The following DLG2 variants were observed in gnomAD, a reference collection of about 807,000 sequenced individuals.
DLG2 encodes disks large homolog 2.
DLG2 carries 45 observed loss-of-function variants against 132.5 expected under a neutral mutation model. That is an observed-to-expected ratio of 0.34 (90% confidence interval 0.27 to 0.44). DLG2 has a LOEUF of 0.44. DLG2 is among the 20% of genes least tolerant of loss of function. The pLI, the probability that DLG2 is intolerant of heterozygous loss-of-function variation, is 1.00. For synonymous variants in DLG2, 424 were observed against 419.6 expected, an observed-to-expected ratio of 1.01 and a Z score of -0.13; for missense variants, 1,045 against 1,196.9, an observed-to-expected ratio of 0.87 and a Z score of 1.87.
intron 7 of DLG2, among the ~76,000 whole-genome samples, chr11:84,412,718 C>T (rs967448564): frequency 6.6e-6 from 1 of 152,182 alleles, no homozygotes; most frequent in Non-Finnish European, 1.5e-5. Context: ...AGCTAAGCAC[C>T]TGCCTTAAGG....
Position 83,480,673 on chromosome 11 carries a change from T to A in DLG2, c.2293+3456A>T, listed in dbSNP as rs774908767. 27 of 1,520,104 alleles carry A rather than the reference T, an allele frequency of 1.8e-5. No individual in the cohort carries two copies. The South Asian group carries it at 3.0e-4, about 17-fold the overall frequency. The allele number at this position is 1,520,104 out of a possible 1,614,324, so 94.2% of individuals were successfully genotyped here. A position where few individuals can be genotyped will look rare whatever the true frequency, so the allele number is the denominator to read the frequency against. ...ATCTTTAATTACAAAAAATGCATAA[T>A]GTCAATTTAGGCGATTAGAAAAATA... is the stretch of plus-strand genomic sequence containing the variant. On this transcript the variant is annotated intron_variant, in intron 22 of 27. Coordinates refer to ENST00000376104, the MANE Select transcript of DLG2 (RefSeq NM_001142699.3).
At chr11:83,724,923 G>C (rs2089689277) in intron 18 of DLG2, 4 of 702,324 alleles carry the variant, frequency 5.7e-6, no homozygotes, top group African/African-American at 1.7e-5. Flanking sequence ...ATTCAGCTCT[G>C]TTCCCTCCTC....
At chr11:84,599,785 A>T (rs995689754) in intron 6 of DLG2, among the ~76,000 whole-genome samples, 2 of 152,078 alleles carry the variant, frequency 1.3e-5, no homozygotes, top group Non-Finnish European at 2.9e-5. Flanking sequence ...TAATCCCAAC[A>T]CTTTAGGAGG....
At chr11:84,636,572 GT>G in intron 6 of DLG2, among the ~76,000 whole-genome samples, 1 of 152,200 alleles carries the variant, frequency 6.6e-6, no homozygotes, top group Middle Eastern at 3.4e-3. Flanking sequence ...AAAAATGACG[GT>G]TTTTATTATG....
At chr11:85,014,136 T>C (rs760328467) in intron 6 of DLG2, among the ~76,000 whole-genome samples, 43 of 151,914 alleles carry the variant, frequency 2.8e-4, no homozygotes, top group Non-Finnish European at 4.9e-4. Context: ...AGCTTAAGAG[T>C]TAGGCTTGGT....
intron 7 of DLG2, among the ~76,000 whole-genome samples, chr11:84,343,988 A>T (rs1008483157): frequency 7.9e-5 from 12 of 152,188 alleles, no homozygotes; most frequent in Admixed American, 6.5e-4. Context: ...AAATGATGCC[A>T]CCTGTTGAGT....
chr11:84,989,023 A>T (rs1235749729), intron 6 of DLG2, among the ~76,000 whole-genome samples: 2 of 152,176 alleles, frequency 1.3e-5, no homozygotes, highest in Non-Finnish European at 2.9e-5. Flanking sequence ...CAAGATAAAC[A>T]TAAAAAAAAT....
At chr11:84,748,190 A>T (rs926076001) in intron 6 of DLG2, among the ~76,000 whole-genome samples, 4 of 152,280 alleles carry the variant, frequency 2.6e-5, no homozygotes, top group African/African-American at 9.6e-5. Flanking sequence ...TTTTTCAGAG[A>T]CAAGGTGCAT....
intron 18 of DLG2, among the ~76,000 whole-genome samples, chr11:83,771,573 T>C (rs2094394616): frequency 6.6e-6 from 1 of 152,170 alleles, no homozygotes; most frequent in African/African-American, 2.4e-5. Flanking sequence ...TTACTGTTAC[T>C]GTACTGAATA....
intron 7 of DLG2, among the ~76,000 whole-genome samples, chr11:84,312,503 C>G (rs898960030): frequency 2.6e-5 from 4 of 151,926 alleles, no homozygotes; most frequent in Non-Finnish European, 5.9e-5. Context: ...CAAAACAAAA[C>G]AAAAAACCCA....
intron 7 of DLG2, among the ~76,000 whole-genome samples, chr11:84,446,473 C>T (rs1407544498): frequency 6.6e-6 from 1 of 151,946 alleles, no homozygotes; most frequent in Non-Finnish European, 1.5e-5. Context: ...CTGCGACCTT[C>T]AGTTGTGCAA....
intron 6 of DLG2, among the ~76,000 whole-genome samples, chr11:84,869,632 C>T (rs1600340243): frequency 6.6e-6 from 1 of 152,088 alleles, no homozygotes; most frequent in African/African-American, 2.4e-5. Flanking sequence ...ATTAAAGGCT[C>T]CTGACAAAAT....
intron 6 of DLG2, among the ~76,000 whole-genome samples, chr11:84,711,027 T>G (rs552081607): frequency 0.015 from 1,578 of 108,006 alleles, 16 homozygotes; most frequent in Middle Eastern, 0.039. Context: ...TATATATATA[T>G]ATATAGAGCT....
intron 6 of DLG2, among the ~76,000 whole-genome samples, chr11:85,026,579 T>C (rs2060533585): frequency 6.6e-6 from 1 of 152,120 alleles, no homozygotes; most frequent in African/African-American, 2.4e-5. Flanking sequence ...AGCTCACACC[T>C]ATAATCCCAG....
At position 83,667,324 on chromosome 11, in the gene DLG2, T is replaced by A. The variant is rs544142401; in HGVS notation, c.1826-33999A>T. On this transcript the variant is annotated intron_variant, in intron 18 of 27. Coordinates refer to ENST00000376104, the MANE Select transcript of DLG2 (RefSeq NM_001142699.3). ...GTCCTACCTACGCTTATTATAGCTG[T>A]CTAAGGATATGACATTCAGATTGAC... is the stretch of plus-strand genomic sequence containing the variant. Among the ~76,000 whole-genome samples the A allele has an allele frequency of 2.0e-5, 3 of 152,328 alleles. No homozygotes were observed. The South Asian group carries it at 6.2e-4, about 32-fold the overall frequency.
chr11:85,408,334 TTTGGGTGGGCAGAA>T (rs1453446852), intron 3 of DLG2, among the ~76,000 whole-genome samples: 3 of 150,910 alleles, frequency 2.0e-5, no homozygotes, highest in Admixed American at 1.3e-4. Context: ...AGAACTGACA[TTTGGGTGGGCAGAA>T]TTGGTATTTA....
chr11:84,821,771 G>A (rs919873226), intron 6 of DLG2, among the ~76,000 whole-genome samples: 34 of 151,502 alleles, frequency 2.2e-4, no homozygotes, highest in African/African-American at 8.0e-4. Flanking sequence ...GTATTACAAA[G>A]AGTTAGAAAC....
intron 3 of DLG2, among the ~76,000 whole-genome samples, chr11:85,472,659 T>C (rs966720805): frequency 2.6e-5 from 4 of 152,180 alleles, no homozygotes; most frequent in South Asian, 2.1e-4. Flanking sequence ...GTTATCCTTG[T>C]AACCTCATTC....
At chr11:84,478,865 A>G (rs78899354) in intron 7 of DLG2, among the ~76,000 whole-genome samples, 5,178 of 152,176 alleles carry the variant, frequency 0.034, 223 homozygotes, top group African/African-American at 0.1. Flanking sequence ...CGTATAAAAG[A>G]TGATTTGTGT....
Sources: gnomAD v4.1 joint callset for allele counts (sites outside exome capture counted in the v4.1 genomes callset) on GRCh38, gnomAD v4.1.1 for gene constraint, MANE v1.5 for transcripts, NCBI Gene and HGNC (gene_info 2026-07-23, HGNC 2026-07-21) for gene names.